Variants in MALRD1 observed in about 807,000 individuals in gnomAD.
The protein encoded by MALRD1 is MAM and LDL receptor class A domain containing 1, also known as MAM and LDL-receptor class A domain-containing protein 1.
In MALRD1, 247 loss-of-function variants were observed where a neutral mutation model predicts 242.1. The ratio of observed to expected loss-of-function variants is 1.02; its 90% CI spans 0.92 to 1.13. MALRD1 has a LOEUF of 1.13. Ranked by LOEUF, MALRD1 falls within the 50% of genes most tolerant of loss-of-function variation. The pLI, the probability that MALRD1 is intolerant of heterozygous loss-of-function variation, is 0.00. For missense variants in MALRD1, 2,989 were observed against 2,533.1 expected, an observed-to-expected ratio of 1.18 and a Z score of -3.86; for synonymous variants, 995 against 866.6, an observed-to-expected ratio of 1.15 and a Z score of -2.60.
chr10:19,048,503 T>C (rs552794849), upstream of MALRD1, among the ~76,000 whole-genome samples: 6 of 152,372 alleles, frequency 3.9e-5, 1 homozygote, highest in Middle Eastern at 0.017. Flanking sequence ...CACAATAATG[T>C]TCTAAATTAC....
At chr10:19,249,969 A>G (rs561348295) in intron 18 of MALRD1, among the ~76,000 whole-genome samples, 1 of 152,116 alleles carries the variant, frequency 6.6e-6, no homozygotes, top group South Asian at 2.1e-4. Context: ...CTCCTTTTAC[A>G]AAGAGAATGA....
At chr10:19,553,864 A>T (rs1454660326) in intron 32 of MALRD1, among the ~76,000 whole-genome samples, 2 of 152,148 alleles carry the variant, frequency 1.3e-5, no homozygotes, top group Non-Finnish European at 2.9e-5. Context: ...TCTCCTAGGA[A>T]GTTTGAGACT....
At chr10:19,164,415 A>T (rs1328785469) in intron 12 of MALRD1, among the ~76,000 whole-genome samples, 1 of 152,332 alleles carries the variant, frequency 6.6e-6, no homozygotes, top group East Asian at 1.9e-4. Context: ...GATGAATGGG[A>T]AAACATTTTT....
chr10:19,637,248 T>A (rs1840177559), intron 36 of MALRD1, among the ~76,000 whole-genome samples: 1 of 152,136 alleles, frequency 6.6e-6, no homozygotes, highest in Non-Finnish European at 1.5e-5. Context: ...TACCATATTT[T>A]CATGGAACAA....
chr10:19,137,213 G>T (rs1192231120), intron 10 of MALRD1, among the ~76,000 whole-genome samples: 1 of 151,886 alleles, frequency 6.6e-6, no homozygotes, highest in Non-Finnish European at 1.5e-5. Context: ...TAGGAGGAGG[G>T]TGGCCCTTCC....
chr10:19,453,329 G>A (rs1835429269), intron 29 of MALRD1, among the ~76,000 whole-genome samples: 1 of 152,198 alleles, frequency 6.6e-6, no homozygotes, highest in Non-Finnish European at 1.5e-5. Flanking sequence ...TATAGAGACA[G>A]AGAGGAGGTG....
intron 33 of MALRD1, among the ~76,000 whole-genome samples, chr10:19,591,182 T>C (rs1036053597): frequency 1.3e-5 from 2 of 152,252 alleles, no homozygotes; most frequent in Admixed American, 1.3e-4. Flanking sequence ...TTGGCTTCTT[T>C]CACTTAGTAA....
At chr10:19,477,939 C>T (rs1478247603) in intron 29 of MALRD1, among the ~76,000 whole-genome samples, 1 of 152,176 alleles carries the variant, frequency 6.6e-6, no homozygotes, top group East Asian at 1.9e-4. Context: ...TTGAACATGC[C>T]TGGCTCCCAA....
intron 19 of MALRD1, among the ~76,000 whole-genome samples, chr10:19,267,002 C>G (rs1839999743): frequency 6.6e-6 from 1 of 151,886 alleles, no homozygotes. Flanking sequence ...TCTTTCTGTC[C>G]TTCATTAGAA....
chr10:19,480,032 G>C (rs1334765971), intron 29 of MALRD1, among the ~76,000 whole-genome samples: 2 of 152,160 alleles, frequency 1.3e-5, no homozygotes, highest in Non-Finnish European at 2.9e-5. Context: ...ACAAGCATGT[G>C]CTATAGAAAC....
chr10:19,438,473 C>T (rs558796909), intron 28 of MALRD1, among the ~76,000 whole-genome samples: 1 of 152,242 alleles, frequency 6.6e-6, no homozygotes, highest in South Asian at 2.1e-4. Flanking sequence ...TTAACATGGG[C>T]TTACAACTAT....
At chr10:19,411,533 G>T (rs920196090) in intron 28 of MALRD1, among the ~76,000 whole-genome samples, 1 of 152,144 alleles carries the variant, frequency 6.6e-6, no homozygotes, top group African/African-American at 2.4e-5. Flanking sequence ...AAGCTACCAT[G>T]ATCATACTTT....
chr10:19,128,500 A>C (rs997355330), intron 8 of MALRD1, 113 bp downstream of exon 8: 3 of 622,186 alleles, frequency 4.8e-6, no homozygotes, highest in Non-Finnish European at 6.9e-6. Flanking sequence ...CTTTAACTTG[A>C]CTTTACTTGG....
intron 31 of MALRD1, among the ~76,000 whole-genome samples, chr10:19,502,012 C>CAAAAAAAAA (rs1181159875): frequency 3.7e-4 from 15 of 40,296 alleles, no homozygotes; most frequent in East Asian, 6.2e-4. Flanking sequence ...GATTCTGTCT[C>CAAAAAAAAA]AAAAAAAAAA....
At chr10:19,196,359 A>C (rs1283863394) in intron 14 of MALRD1, among the ~76,000 whole-genome samples, 1 of 152,156 alleles carries the variant, frequency 6.6e-6, no homozygotes, top group South Asian at 2.1e-4. Flanking sequence ...TCTCTTTTTA[A>C]CTCAGTCCAG....
intron 33 of MALRD1, among the ~76,000 whole-genome samples, chr10:19,574,076 A>C (rs1836685162): frequency 6.6e-6 from 1 of 152,194 alleles, no homozygotes; most frequent in South Asian, 2.1e-4. Flanking sequence ...TAAAGAATAA[A>C]ATTCTTAAGA....
rs145546550 is a variant in MALRD1 at position 19,196,850 on chromosome 10, C to G, written c.1952-6878C>G. ...TAACTTCTGTTTTTCTCATACTACA[C>G]CTTTGATATCAATTAATCCTGTCAT... On this transcript the variant is annotated intron_variant, in intron 14 of 39. Coordinates refer to ENST00000454679, the MANE Select transcript of MALRD1 (RefSeq NM_001142308.3). Among the ~76,000 whole-genome samples, 6 of 152,278 alleles carry G rather than the reference C, an allele frequency of 3.9e-5. No individual in the cohort carries two copies. The East Asian group carries it at 1.2e-3, about 29-fold the overall frequency.
chr10:19,069,059 C>G (rs1357258595), intron 2 of MALRD1, among the ~76,000 whole-genome samples: 2 of 151,854 alleles, frequency 1.3e-5, no homozygotes, highest in Non-Finnish European at 2.9e-5. Context: ...GATGGGAATG[C>G]AAATATGAAA....
Position 19,324,085 on chromosome 10 carries a change from G to T in MALRD1, c.3556G>T (p.Ala1186Ser). Residue 1186 changes from alanine (A) to serine (S), a missense_variant, in exon 22 of 40, where the codon GCC (alanine) becomes TCC (serine). By Grantham distance (99) the Ala-to-Ser change is moderately conservative. Transcript: ENST00000454679. Reference protein sequence around the residue: ...TLVFWTHMNGATVGSLQVLIK... With the variant: ...TLVFWTHMNGSTVGSLQVLIK... ...GGTGTTCTGGACACATATGAATGGG[G>T]CCACCGTTGGTTCTCTCCAGGTACT... 1 of 1,550,190 alleles carries T rather than the reference G, an allele frequency of 6.5e-7. No individual in the cohort carries two copies. The highest frequency in any genetic ancestry group is 2.4e-5 in the East Asian group (1 of 40,882).
Sources: allele counts gnomAD v4.1 joint callset (sites outside exome capture counted in the v4.1 genomes callset), GRCh38; gene constraint gnomAD v4.1.1; transcripts MANE v1.5; gene names NCBI Gene and HGNC (gene_info 2026-07-23, HGNC 2026-07-21).